The following PARD3B variants were observed in gnomAD, a reference collection of about 807,000 sequenced individuals.
PARD3B encodes the protein partitioning defective 3 homolog B.
In PARD3B, 103 loss-of-function variants were observed where a neutral mutation model predicts 130.2. That is an observed-to-expected ratio of 0.79 (90% CI 0.67 to 0.93). PARD3B has a LOEUF of 0.93. Among genes scored for constraint, PARD3B ranks in the 40% least tolerant of loss-of-function variants. The pLI, the probability that PARD3B is intolerant of heterozygous loss-of-function variation, is 0.00. For missense variants in PARD3B, 1,609 were observed against 1,499.2 expected, an observed-to-expected ratio of 1.07 and a Z score of -1.21; for synonymous variants, 583 against 553.2, an observed-to-expected ratio of 1.05 and a Z score of -0.76.
chr2:205,195,051 G>C (rs1169711363), intron 15 of PARD3B, among the ~76,000 whole-genome samples: 1 of 148,212 alleles, frequency 6.7e-6, no homozygotes, highest in Non-Finnish European at 1.5e-5. Context: ...CACCCACCTT[G>C]GCCTCCCAAA....
intron 2 of PARD3B, among the ~76,000 whole-genome samples, chr2:204,755,189 A>G (rs2040614417): frequency 1.3e-5 from 2 of 152,162 alleles, no homozygotes; most frequent in African/African-American, 4.8e-5. Context: ...GGACTCTGCT[A>G]GTGCCATAAT....
intron 2 of PARD3B, among the ~76,000 whole-genome samples, chr2:204,883,016 T>G (rs2046114102): frequency 6.6e-6 from 1 of 152,188 alleles, no homozygotes; most frequent in Admixed American, 6.5e-5. Flanking sequence ...CCTTGTAGTC[T>G]ATGTCTAGAA....
chr2:205,445,241 C>G (rs76164618), intron 20 of PARD3B, among the ~76,000 whole-genome samples: 2 of 152,172 alleles, frequency 1.3e-5, no homozygotes, highest in East Asian at 3.9e-4. Context: ...GTCTTCTTTT[C>G]CCTACCCCAC....
At chr2:204,758,062 G>A (rs1032847415) in intron 2 of PARD3B, among the ~76,000 whole-genome samples, 1 of 152,150 alleles carries the variant, frequency 6.6e-6, no homozygotes, top group Non-Finnish European at 1.5e-5. Flanking sequence ...GCTTTGTTCA[G>A]TTGGGGCCAC....
intron 2 of PARD3B, among the ~76,000 whole-genome samples, chr2:204,792,015 A>G (rs553556195): frequency 6.6e-6 from 1 of 152,352 alleles, no homozygotes; most frequent in South Asian, 2.1e-4. Flanking sequence ...CACATTTACT[A>G]AAATGCATAC....
At chr2:205,527,311 C>G (rs1318601821) in intron 21 of PARD3B, among the ~76,000 whole-genome samples, 1 of 152,002 alleles carries the variant, frequency 6.6e-6, no homozygotes, top group Non-Finnish European at 1.5e-5. Context: ...TAGACCAGGC[C>G]TTTGACAAGG....
At chr2:205,377,374 C>T (rs901647199) in intron 18 of PARD3B, among the ~76,000 whole-genome samples, 36 of 152,114 alleles carry the variant, frequency 2.4e-4, no homozygotes, top group African/African-American at 8.7e-4. Context: ...GCCTTGAACT[C>T]ATTTTTGAAA....
Position 205,397,237 on chromosome 2 carries a change from A to G in PARD3B, c.2631-3776A>G, listed in dbSNP as rs115478902. Among the ~76,000 whole-genome samples the G allele has an allele frequency of 0.019, 2,908 of 152,296 alleles. 89 individuals carry two copies. The highest frequency in any genetic ancestry group is 0.065 in the African/African-American group (2,692 of 41,558). ...AACTTTACAAAATAAGGTAATTTGT[A>G]ATCATTTTCTCTGGCTAATAAAATA... On this transcript the variant is annotated intron_variant, in intron 18 of 22. Transcript: ENST00000406610. The surrounding 1 kb of genome is among the most constrained non-coding windows in gnomAD (Gnocchi z 4.8).
rs1245150001 is a variant in PARD3B at position 204,675,820 on chromosome 2, ATAT to A, written c.121-10355_121-10353del. Among the ~76,000 whole-genome samples, 1 of 152,232 alleles carries A rather than the reference ATAT, an allele frequency of 6.6e-6. No homozygotes were observed. Among genetic ancestry groups the A allele is most frequent in the Non-Finnish European group, 1.5e-5 (1 of 68,044 alleles). ...TTCTATTTGAAAAAGGGAATAAGTA[ATAT>A]TATTAAAACTTAGATTATGAGATAC... On this transcript the variant is annotated intron_variant, in intron 1 of 22. Coordinates refer to ENST00000406610, the MANE Select transcript of PARD3B (RefSeq NM_001302769.2). The surrounding 1 kb of genome is among the most constrained non-coding windows in gnomAD (Gnocchi z 4.4).
intron 21 of PARD3B, among the ~76,000 whole-genome samples, chr2:205,542,144 CAAAAAAAAAAAAAAAAAAA>C (rs71032484): frequency 5.3e-5 from 2 of 38,056 alleles, no homozygotes; most frequent in African/African-American, 1.4e-4. Context: ...ACTCCGTCTC[CAAAAAAAAAAAAAAAAAAA>C]AAAAAAAAAA....
intron 18 of PARD3B, among the ~76,000 whole-genome samples, chr2:205,339,799 A>G (rs2043450775): frequency 6.6e-6 from 1 of 152,170 alleles, no homozygotes; most frequent in Non-Finnish European, 1.5e-5. Context: ...GACCAATTTT[A>G]TATAGAGAAT....
chr2:205,053,803 G>A (rs1313715043), intron 4 of PARD3B, among the ~76,000 whole-genome samples: 1 of 151,864 alleles, frequency 6.6e-6, no homozygotes, highest in Non-Finnish European at 1.5e-5. Flanking sequence ...GTTTTCCAAA[G>A]AGGAGAGATG....
chr2:204,932,485 C>T lies in PARD3B; in HGVS notation c.223-32667C>T, dbSNP rs539486907. Among the ~76,000 whole-genome samples the T allele has an allele frequency of 3.3e-5, 5 of 152,190 alleles. No homozygotes were observed. In the South Asian group the frequency reaches 1.0e-3, roughly 32 times the overall value. On this transcript the variant is annotated intron_variant, in intron 2 of 22. Coordinates refer to ENST00000406610, the MANE Select transcript of PARD3B (RefSeq NM_001302769.2). ...CATTTCTCCCTAAAGTAGGTGAAAT[C>T]TAATTCTTACTTGAAAAAATGGTAT...
rs571883163 is a variant in PARD3B, at chr2:205,254,871, G to A, written c.2185+9049G>A. ...AGTAGAGACGGGGTTTCACCATGTTGGTCAGGATGGTCTCGATCTCCTGAC... is the reference window on the plus strand; with the variant it reads ...AGTAGAGACGGGGTTTCACCATGTTAGTCAGGATGGTCTCGATCTCCTGAC... On this transcript the variant is annotated intron_variant, in intron 16 of 22. Transcript: ENST00000406610. Among the ~76,000 whole-genome samples the A allele has an allele frequency of 2.6e-5, 4 of 151,432 alleles. No individual in the cohort carries two copies. In the South Asian group the frequency reaches 8.3e-4, roughly 32 times the overall value.
At chr2:205,312,690 T>C (rs908473650) in intron 18 of PARD3B, among the ~76,000 whole-genome samples, 3 of 152,240 alleles carry the variant, frequency 2.0e-5, no homozygotes, top group Non-Finnish European at 4.4e-5. Flanking sequence ...ATTTACTTTC[T>C]CTTTCACAAT....
rs1422704675 is a variant in PARD3B, at chr2:204,890,862, G to A, written c.223-74290G>A. 2.6e-5 allele frequency among the ~76,000 whole-genome samples: 4 copies of A among 152,056 alleles called. No homozygotes were observed. The highest frequency in any genetic ancestry group is 2.1e-4 in the South Asian group (1 of 4,822). On this transcript the variant is annotated intron_variant, in intron 2 of 22. Coordinates refer to ENST00000406610, the MANE Select transcript of PARD3B (RefSeq NM_001302769.2). The surrounding 1 kb of genome is among the most constrained non-coding windows in gnomAD (Gnocchi z 4.9). ...GTCTGGAGGGTATTGTTTTGGATGC[G>A]GATGTTGTTTAGGATTTAAAACAAC...
At chr2:205,202,835 A>T (rs1235592393) in intron 15 of PARD3B, among the ~76,000 whole-genome samples, 1 of 152,180 alleles carries the variant, frequency 6.6e-6, no homozygotes, top group African/African-American at 2.4e-5. Flanking sequence ...GAGCTTCTAC[A>T]TCTCCTACAA....
At chr2:205,192,708 A>G (rs942091057) in intron 14 of PARD3B, among the ~76,000 whole-genome samples, 3 of 152,210 alleles carry the variant, frequency 2.0e-5, no homozygotes, top group African/African-American at 7.2e-5. Context: ...AGTTTTAGGA[A>G]AAAGACCTAA....
chr2:205,318,999 C>A (rs894145715), intron 18 of PARD3B, among the ~76,000 whole-genome samples: 4 of 152,162 alleles, frequency 2.6e-5, no homozygotes, highest in African/African-American at 9.7e-5. Flanking sequence ...TCAGTACCTC[C>A]GCCTTTGCCA....
Sources: allele counts gnomAD v4.1 joint callset (sites outside exome capture counted in the v4.1 genomes callset), GRCh38; gene constraint gnomAD v4.1.1; non-coding constraint Gnocchi (gnomAD v3.1); transcripts MANE v1.5; gene names NCBI Gene and HGNC (gene_info 2026-07-23, HGNC 2026-07-21).